The following EIF3K variants were observed in gnomAD, a reference collection of about 807,000 sequenced individuals.
EIF3K encodes eukaryotic translation initiation factor 3 subunit K.
EIF3K carries 27 observed loss-of-function variants against 34.2 expected under a neutral mutation model. The observed-to-expected ratio is 0.79, with a 90% CI of 0.58 to 1.09. EIF3K has a LOEUF of 1.09. EIF3K is among the 50% of genes least tolerant of loss of function. EIF3K has a pLI of 0.00. For synonymous variants in EIF3K, 105 were observed against 105.7 expected (o/e 0.99, Z 0.04); for missense variants, 232 against 275.4 (o/e 0.84, Z 1.11).
In EIF3K at chr19:38,632,478, G is replaced by C. The variant is rs372914594; in HGVS notation, c.403G>C (p.Glu135Gln). 1 of 1,614,096 alleles carries C rather than the reference G, an allele frequency of 6.2e-7. No homozygotes were observed. Among genetic ancestry groups the C allele is most frequent in the Non-Finnish European group, 8.5e-7 (1 of 1,180,038 alleles). ...CCTCTTGGAAGGTATAACTGGCTTT[G>C]AAGACTCTGTCCGAAAGTGTAAGTC... Reference protein sequence around the residue: ...MDLLEGITGFEDSVRKFICHV... With the variant: ...MDLLEGITGFQDSVRKFICHV... Residue 135 changes from glutamate to glutamine, a missense_variant, in exon 5 of 8, where the codon GAA (glutamate) becomes CAA (glutamine). Glu to Gln is a conservative substitution (Grantham distance 29). Transcript: ENST00000248342.
chr19:38,619,202 G>A lies in EIF3K; in HGVS notation c.-67G>A. On this transcript the variant is annotated 5_prime_UTR_variant, in exon 1 of 8. Transcript: ENST00000248342. ...GTTTCCACCACCTCTTCCTGTTCCC[G>A]TCCTTGAGGACGCCGTGCCGGGTCA... 6.3e-7 allele frequency: 1 copy of A among 1,576,284 alleles called. No homozygotes were observed. The highest frequency in any genetic ancestry group is 8.7e-7 in the Non-Finnish European group (1 of 1,150,238).
At position 38,626,004 on chromosome 19, in the gene EIF3K, T is replaced by G. The variant is rs1247620926; in HGVS notation, c.280-24T>G. The G allele has an allele frequency of 1.2e-6, 2 of 1,613,654 alleles. No individual in the cohort carries two copies. The highest frequency in any genetic ancestry group is 1.3e-5 in the African/African-American group (1 of 74,886). On this transcript the variant is annotated intron_variant, in intron 3 of 7. Coordinates refer to ENST00000248342, the MANE Select transcript of EIF3K (RefSeq NM_013234.4). ...CCAACCTTACGCTCCGAGGCCAGTTTTCCTTAATGCTTCCTCCTCCCAGCA... is the reference window on the plus strand; with the variant it reads ...CCAACCTTACGCTCCGAGGCCAGTTGTCCTTAATGCTTCCTCCTCCCAGCA...
At chr19:38,620,995 A>AGTTC (rs919286949) in intron 2 of EIF3K, among the ~76,000 whole-genome samples, 4 of 152,166 alleles carry the variant, frequency 2.6e-5, no homozygotes, top group African/African-American at 9.7e-5. Context: ...TGAGCCAAAG[A>AGTTC]GTTCGAGACC....
At chr19:38,635,802 T>G (rs1439576647) in intron 7 of EIF3K, 5 of 152,252 alleles carry the variant, frequency 3.3e-5, no homozygotes, top group Non-Finnish European at 5.9e-5. Context: ...CTAAAAAGAT[T>G]GCAGTGGCTA....
At chr19:38,636,307 T>G (rs1265709165) in intron 7 of EIF3K, among the ~76,000 whole-genome samples, 1 of 151,468 alleles carries the variant, frequency 6.6e-6, no homozygotes, top group African/African-American at 2.4e-5. Context: ...GACGGGAGGG[T>G]TCCCTCTGTC....
intron 1 of EIF3K, 72 bp downstream of exon 1, chr19:38,619,399 G>A (rs760173079): frequency 7.7e-6 from 12 of 1,559,422 alleles, no homozygotes; most frequent in Non-Finnish European, 1.1e-5. Context: ...GACAGCAAGG[G>A]GTGTTCAGGG....
intron 6 of EIF3K, 24 bp from the exon 7 acceptor site, chr19:38,634,969 C>G (rs1178065213): frequency 6.2e-7 from 1 of 1,613,696 alleles, no homozygotes; most frequent in African/African-American, 1.3e-5. Context: ...GACTGAAGCC[C>G]CTTGCTGCCC....
chr19:38,633,069 G>T (rs147921448), intron 6 of EIF3K, among the ~76,000 whole-genome samples: 6 of 152,302 alleles, frequency 3.9e-5, no homozygotes, highest in African/African-American at 1.4e-4. Context: ...CCTTACCTCC[G>T]TAGAGAGAGG....
At chr19:38,635,336 C>T (rs1013319694) in intron 7 of EIF3K, 7 of 655,780 alleles carry the variant, frequency 1.1e-5, no homozygotes, top group Admixed American at 5.8e-5. Context: ...GCCCTGTGTC[C>T]TGCCCCATAG....
intron 4 of EIF3K, among the ~76,000 whole-genome samples, chr19:38,628,973 C>T (rs907500192): frequency 1.3e-5 from 2 of 152,114 alleles, no homozygotes; most frequent in East Asian, 1.9e-4. Context: ...CTTCTTGTCT[C>T]GGGAGAAAAT....
At chr19:38,621,391 C>T (rs867048383) in intron 2 of EIF3K, among the ~76,000 whole-genome samples, 91 of 151,562 alleles carry the variant, frequency 6.0e-4, no homozygotes, top group African/African-American at 1.8e-3. Flanking sequence ...CCAGCTTGGG[C>T]GACAGAGTGA....
intron 4 of EIF3K, among the ~76,000 whole-genome samples, chr19:38,630,419 A>G (rs1196174627): frequency 6.7e-6 from 1 of 148,630 alleles, no homozygotes; most frequent in African/African-American, 2.5e-5. Flanking sequence ...ATCTCAGCTC[A>G]CTGCAACCTC....
rs1300762242 is a variant in EIF3K at position 38,632,821 on chromosome 19, G to A, written c.499+143G>A. On this transcript the variant is annotated intron_variant, in intron 6 of 7. Coordinates refer to ENST00000248342, the MANE Select transcript of EIF3K (RefSeq NM_013234.4). Reference sequence around the variant, plus strand: ...CAGCCCAAGGAGGAAATAAGAACTTGGTATAAGACAGTCTCTGCCTTGAGG... The same window carrying A: ...CAGCCCAAGGAGGAAATAAGAACTTAGTATAAGACAGTCTCTGCCTTGAGG... 3 of 680,418 alleles carry A rather than the reference G, an allele frequency of 4.4e-6. No homozygotes were observed. In the East Asian group the frequency reaches 8.5e-5, roughly 19 times the overall value. 42.1% of individuals were successfully genotyped at this position (680,418 alleles called of 1,614,324 possible).
intron 6 of EIF3K, among the ~76,000 whole-genome samples, chr19:38,634,201 A>G (rs908262454): frequency 1.4e-5 from 2 of 145,976 alleles, no homozygotes; most frequent in African/African-American, 5.1e-5. Context: ...GTTTCAAACA[A>G]TTCTCCTGCC....
Position 38,628,821 on chromosome 19 carries a change from C to CA in EIF3K, c.354+2731dup, listed in dbSNP as rs1159369097. Among the ~76,000 whole-genome samples the CA allele has an allele frequency of 5.0e-3, 708 of 142,578 alleles. 6 individuals carry two copies. Among genetic ancestry groups the CA allele is most frequent in the African/African-American group, 0.015 (574 of 39,124 alleles). 93.5% of individuals were successfully genotyped at this position (142,578 alleles called of 152,430 possible). A position where few individuals can be genotyped will look rare whatever the true frequency, so the allele number is the denominator to read the frequency against. On this transcript the variant is annotated intron_variant, in intron 4 of 7. Coordinates refer to ENST00000248342, the MANE Select transcript of EIF3K (RefSeq NM_013234.4). The stretch of plus-strand genomic sequence containing the variant: ...TCTGAAAAAGAGCGAAACTCCATCT[C>CA]AAAAAAAAAAAAGAGAAAAAATGTC...
chr19:38,623,929 G>C, intron 2 of EIF3K, 148 bp from the exon 3 acceptor site: 1 of 1,270,424 alleles, frequency 7.9e-7, no homozygotes, highest in Non-Finnish European at 1.1e-6. Flanking sequence ...GGAGGTGAAG[G>C]TTACACAGCT....
chr19:38,630,637 C>T (rs556148757), intron 4 of EIF3K: 7 of 151,672 alleles, frequency 4.6e-5, no homozygotes, highest in African/African-American at 1.7e-4. Flanking sequence ...GCCACCACGC[C>T]CAGCCAGCCT....
At chr19:38,628,846 C>T (rs1010204504) in intron 4 of EIF3K, among the ~76,000 whole-genome samples, 12 of 151,862 alleles carry the variant, frequency 7.9e-5, no homozygotes, top group African/African-American at 2.7e-4. Context: ...GAAAAAATGT[C>T]GCATGTGACT....
At chr19:38,632,329 C>G in intron 4 of EIF3K, 101 bp from the exon 5 acceptor site, 4 of 1,149,758 alleles carry the variant, frequency 3.5e-6, no homozygotes, top group Non-Finnish European at 5.0e-6. Context: ...AATTCAAGAC[C>G]AGCCTGGGCA....
Sources: allele counts gnomAD v4.1 joint callset (sites outside exome capture counted in the v4.1 genomes callset), GRCh38; gene constraint gnomAD v4.1.1; transcripts MANE v1.5; gene names NCBI Gene and HGNC (gene_info 2026-07-23, HGNC 2026-07-21).